Variants in ADAMTSL1 observed in about 807,000 individuals in gnomAD.
ADAMTSL1 encodes ADAMTS-like protein 1.
Under a neutral mutation model 201.8 loss-of-function variants are expected in ADAMTSL1, and 126 were observed. That is an observed-to-expected ratio of 0.62 (90% CI 0.54 to 0.72). ADAMTSL1 has a LOEUF of 0.72. Among genes scored for constraint, ADAMTSL1 ranks in the 30% least tolerant of loss-of-function variants. ADAMTSL1 has a pLI of 0.00. For missense variants in ADAMTSL1, 2,679 were observed against 2,277.8 expected, an observed-to-expected ratio of 1.18 and a Z score of -3.59; for synonymous variants, 1,121 against 903.4, an observed-to-expected ratio of 1.24 and a Z score of -4.32.
chr9:18,766,338 G>A (rs532934630), intron 16 of ADAMTSL1, among the ~76,000 whole-genome samples: 29 of 152,186 alleles, frequency 1.9e-4, no homozygotes, highest in Non-Finnish European at 3.5e-4. Flanking sequence ...GCAAGGGAAC[G>A]TCATTGGAGG....
At chr9:18,563,947 C>T (rs557545693) in intron 3 of ADAMTSL1, among the ~76,000 whole-genome samples, 2 of 152,312 alleles carry the variant, frequency 1.3e-5, no homozygotes, top group South Asian at 2.1e-4. Context: ...GCTTGCTGGA[C>T]TCCATGGGGG....
intron 2 of ADAMTSL1, among the ~76,000 whole-genome samples, chr9:18,361,604 G>A (rs1037046244): frequency 3.9e-5 from 6 of 152,238 alleles, no homozygotes; most frequent in South Asian, 4.2e-4. Flanking sequence ...GTTACACTCC[G>A]AAGCCACTTC....
chr9:18,862,042 G>A (rs764532828), intron 23 of ADAMTSL1, among the ~76,000 whole-genome samples: 6 of 152,294 alleles, frequency 3.9e-5, no homozygotes, highest in East Asian at 3.9e-4. Context: ...ACTGCTCACC[G>A]TGGAATTCCT....
At chr9:18,485,193 C>T (rs2153416) in intron 1 of ADAMTSL1, among the ~76,000 whole-genome samples, 89,052 of 151,916 alleles carry the variant, frequency 0.59, 26,378 homozygotes, top group African/African-American at 0.66. Flanking sequence ...AGATTCGAAC[C>T]GAGGCAGAGT....
chr9:18,307,823 C>T (rs1156512324), intron 2 of ADAMTSL1, among the ~76,000 whole-genome samples: 1 of 152,144 alleles, frequency 6.6e-6, no homozygotes, highest in Non-Finnish European at 1.5e-5. Context: ...AGGACTTCAA[C>T]TCAGCTCTGG....
chr9:18,204,502 G>C (rs2132287461), intron 2 of ADAMTSL1, among the ~76,000 whole-genome samples: 1 of 152,226 alleles, frequency 6.6e-6, no homozygotes, highest in South Asian at 2.1e-4. Context: ...GTTCTTCATA[G>C]TAGTATGAAA....
intron 21 of ADAMTSL1, among the ~76,000 whole-genome samples, chr9:18,822,305 C>G (rs1273346689): frequency 1.3e-5 from 2 of 152,134 alleles, no homozygotes; most frequent in African/African-American, 4.8e-5. Flanking sequence ...CAAGAAAGAG[C>G]TAAAAAGCCA....
At chr9:18,108,808 T>A (rs1824876122) in intron 1 of ADAMTSL1, among the ~76,000 whole-genome samples, 1 of 152,148 alleles carries the variant, frequency 6.6e-6, no homozygotes, top group South Asian at 2.1e-4. Context: ...TGTAATTATT[T>A]ATCTATTTTA....
intron 1 of ADAMTSL1, among the ~76,000 whole-genome samples, chr9:17,936,006 C>T (rs1009379784): frequency 6.6e-6 from 1 of 152,220 alleles, no homozygotes; most frequent in African/African-American, 2.4e-5. Context: ...TCTCTAGCTT[C>T]ACTGGTCTTT....
At chr9:18,287,341 GTA>G (rs1449132566) in intron 2 of ADAMTSL1, among the ~76,000 whole-genome samples, 2 of 151,324 alleles carry the variant, frequency 1.3e-5, no homozygotes, top group East Asian at 1.9e-4. Context: ...ACACGTGTGT[GTA>G]TATATACACA....
At chr9:18,580,008 T>C (rs1822995207) in intron 4 of ADAMTSL1, among the ~76,000 whole-genome samples, 1 of 152,224 alleles carries the variant, frequency 6.6e-6, no homozygotes, top group East Asian at 1.9e-4. Flanking sequence ...GTTTTATTTT[T>C]GTAATTAATA....
intron 1 of ADAMTSL1, among the ~76,000 whole-genome samples, chr9:17,933,043 T>C (rs906600597): frequency 6.6e-6 from 1 of 152,138 alleles, no homozygotes; most frequent in Non-Finnish European, 1.5e-5. Flanking sequence ...CTGCTTAGAT[T>C]AAGTTGTATG....
chr9:18,156,516 G>C (rs1827160720), intron 1 of ADAMTSL1, among the ~76,000 whole-genome samples: 1 of 151,884 alleles, frequency 6.6e-6, no homozygotes, highest in Non-Finnish European at 1.5e-5. Context: ...ACATTTTTAT[G>C]TTCTTCTTCC....
intron 1 of ADAMTSL1, among the ~76,000 whole-genome samples, chr9:17,964,628 G>C (rs983636126): frequency 6.6e-6 from 1 of 152,134 alleles, no homozygotes; most frequent in African/African-American, 2.4e-5. Flanking sequence ...ATCTGAATAA[G>C]ATAGGTGGAT....
chr9:18,120,455 G>C (rs544155797), intron 1 of ADAMTSL1, among the ~76,000 whole-genome samples: 2 of 152,164 alleles, frequency 1.3e-5, no homozygotes, highest in Non-Finnish European at 2.9e-5. Context: ...GGAATTGTTG[G>C]GGGGGACCCT....
intron 2 of ADAMTSL1, among the ~76,000 whole-genome samples, chr9:18,349,481 T>C (rs1400810911): frequency 6.6e-6 from 1 of 152,172 alleles, no homozygotes; most frequent in Non-Finnish European, 1.5e-5. Flanking sequence ...CTCACACTTG[T>C]TGGGCTTTGG....
intron 2 of ADAMTSL1, among the ~76,000 whole-genome samples, chr9:18,459,171 A>G (rs725837): frequency 0.081 from 12,351 of 152,260 alleles, 687 homozygotes; most frequent in Non-Finnish European, 0.12. Flanking sequence ...CATTATTTAG[A>G]CATTCATTAA....
chr9:18,136,591 A>G (rs577337903), intron 1 of ADAMTSL1, among the ~76,000 whole-genome samples: 3 of 152,172 alleles, frequency 2.0e-5, no homozygotes, highest in African/African-American at 7.2e-5. Flanking sequence ...CTGTTTGTGG[A>G]AGTCAACTTG....
At chr9:18,362,570 G>A (rs1183287017) in intron 2 of ADAMTSL1, among the ~76,000 whole-genome samples, 27 of 152,184 alleles carry the variant, frequency 1.8e-4, no homozygotes, top group Admixed American at 1.8e-3. Context: ...AGTTCACTCT[G>A]CATAAGATGA....
Sources: allele counts gnomAD v4.1 joint callset (sites outside exome capture counted in the v4.1 genomes callset), GRCh38; gene constraint gnomAD v4.1.1; transcripts MANE v1.5; gene names NCBI Gene and HGNC (gene_info 2026-07-23, HGNC 2026-07-21).